Variants in BORCS5 observed in about 807,000 individuals in gnomAD.
BORCS5 encodes the protein BLOC-1 related complex subunit 5.
Under a neutral mutation model 22.1 loss-of-function variants are expected in BORCS5, and 17 were observed. The observed-to-expected ratio is 0.77, with a 90% CI of 0.53 to 1.15. BORCS5 has a LOEUF of 1.15. Among genes scored for constraint, BORCS5 ranks in the 50% most tolerant of loss-of-function variants. BORCS5 has a pLI of 0.00. For missense variants in BORCS5, 247 were observed against 253.2 expected (o/e 0.98, Z 0.17); for synonymous variants, 117 against 99.8 (o/e 1.17, Z -1.03).
chr12:12,394,792 G>A (rs902677351), intron 2 of BORCS5, among the ~76,000 whole-genome samples: 4 of 152,108 alleles, frequency 2.6e-5, no homozygotes, highest in African/African-American at 7.3e-5. Flanking sequence ...TGTGTGGAGT[G>A]CCTGTTTCCC....
intron 3 of BORCS5, among the ~76,000 whole-genome samples, chr12:12,457,182 C>G (rs1226977111): frequency 6.6e-6 from 1 of 152,182 alleles, no homozygotes; most frequent in Admixed American, 6.5e-5. Context: ...TTAATTCTCA[C>G]GTCAACCCTA....
chr12:12,415,345 G>C (rs1363267482), intron 2 of BORCS5, among the ~76,000 whole-genome samples: 1 of 150,864 alleles, frequency 6.6e-6, no homozygotes, highest in East Asian at 2.0e-4. Flanking sequence ...TTAGGAGCTG[G>C]AGACCAGCCC....
At position 12,433,282 on chromosome 12, in the gene BORCS5, C is replaced by T. The variant is rs114234950; in HGVS notation, c.203-2346C>T. Among the ~76,000 whole-genome samples, 421 of 144,662 alleles carry T rather than the reference C, an allele frequency of 2.9e-3. 2 individuals are homozygous for T. Among genetic ancestry groups the T allele is most frequent in the African/African-American group, 0.01 (400 of 38,778 alleles). The allele number at this position is 144,662 out of a possible 152,430, so 94.9% of individuals were successfully genotyped here. On this transcript the variant is annotated intron_variant, in intron 2 of 3. Transcript: ENST00000314565. ...TTTCAGTGAGCTGAGGAGATCATTC[C>T]ACTGTGCTCCAGCCTGGAAGACAGA... is the stretch of plus-strand genomic sequence containing the variant.
intron 2 of BORCS5, among the ~76,000 whole-genome samples, chr12:12,408,493 A>G (rs1336657579): frequency 1.3e-5 from 2 of 152,174 alleles, no homozygotes; most frequent in Non-Finnish European, 2.9e-5. Context: ...ACCACTGTCC[A>G]TTTCCTGAAT....
chr12:12,398,310 A>C (rs1435262814), intron 2 of BORCS5, among the ~76,000 whole-genome samples: 2 of 152,208 alleles, frequency 1.3e-5, no homozygotes, highest in East Asian at 3.8e-4. Flanking sequence ...CAAATAGTAC[A>C]ACATGACTGG....
intron 2 of BORCS5, among the ~76,000 whole-genome samples, chr12:12,392,889 G>A (rs988821334): frequency 6.6e-5 from 10 of 151,924 alleles, no homozygotes; most frequent in African/African-American, 1.2e-4. Flanking sequence ...ATTCTGAGTC[G>A]TCTCTTCTGC....
At chr12:12,414,641 G>C (rs1941868269) in intron 2 of BORCS5, among the ~76,000 whole-genome samples, 1 of 103,448 alleles carries the variant, frequency 9.7e-6, no homozygotes, top group Non-Finnish European at 2.0e-5. Context: ...CGGCCGGGCA[G>C]AGGAGCCCCT....
In BORCS5 at chr12:12,439,763, A is replaced by G. The variant is rs191312268; in HGVS notation, c.360+3978A>G. The stretch of plus-strand genomic sequence containing the variant: ...ATACCTCAGCAGCGTGCTCGGGCAG[A>G]GGAGGTGAGTGCAGTTTTGGGGCTT... On this transcript the variant is annotated intron_variant, in intron 3 of 3. Coordinates refer to ENST00000314565, the MANE Select transcript of BORCS5 (RefSeq NM_058169.6). Among the ~76,000 whole-genome samples, 247 of 152,328 alleles carry G rather than the reference A, an allele frequency of 1.6e-3. 1 individual carries two copies. Among genetic ancestry groups the G allele is most frequent in the African/African-American group, 5.5e-3 (229 of 41,584 alleles).
chr12:12,370,992 G>A (rs1336910170), intron 2 of BORCS5, among the ~76,000 whole-genome samples: 1 of 152,156 alleles, frequency 6.6e-6, no homozygotes, highest in South Asian at 2.1e-4. Context: ...CTTGTGATCC[G>A]CCCACCTCGG....
rs1223034413 is a variant in BORCS5 at position 12,465,752 on chromosome 12, G to A, written c.567G>A (p.Lys189=). 3.1e-6 allele frequency: 5 copies of A among 1,613,218 alleles called. No individual in the cohort carries two copies. The Middle Eastern group carries it at 4.9e-4, about 159-fold the overall frequency. The change falls in exon 4 of 4, where the codon AAG becomes AAA. Residue 189 remains lysine, a synonymous_variant. Transcript: ENST00000314565. The stretch of plus-strand genomic sequence containing the variant: ...AGCGGCTGGAGCCCTTCAGCATGAA[G>A]CCCGACCGCGAGCTCAGGCTGTAGC... The part of the protein sequence containing the change: ...EGERLEPFSM[K]PDRELRL
chr12:12,430,118 A>G (rs1451607306), intron 2 of BORCS5, among the ~76,000 whole-genome samples: 4 of 147,020 alleles, frequency 2.7e-5, no homozygotes, highest in African/African-American at 7.6e-5. Context: ...CCAGCTCACC[A>G]TTTGTTATAC....
intron 3 of BORCS5, among the ~76,000 whole-genome samples, chr12:12,456,371 C>T (rs1407910812): frequency 2.0e-5 from 3 of 152,188 alleles, no homozygotes; most frequent in African/African-American, 7.2e-5. Flanking sequence ...TTCAAGGCTC[C>T]CGTGAGCTAT....
chr12:12,392,921 TCAAATCTCC>T (rs1941233894), intron 2 of BORCS5, among the ~76,000 whole-genome samples: 1 of 151,912 alleles, frequency 6.6e-6, no homozygotes, highest in South Asian at 2.1e-4. Context: ...GTAATCTGCT[TCAAATCTCC>T]TTCATAAAAA....
chr12:12,445,931 C>T (rs140338290), intron 3 of BORCS5, among the ~76,000 whole-genome samples: 131 of 152,104 alleles, frequency 8.6e-4, no homozygotes, highest in Admixed American at 2.0e-3. Context: ...GCATGAGCCA[C>T]CATACCTAGC....
chr12:12,457,594 C>A (rs918911481), intron 3 of BORCS5, among the ~76,000 whole-genome samples: 2 of 152,052 alleles, frequency 1.3e-5, no homozygotes, highest in Non-Finnish European at 2.9e-5. Flanking sequence ...GCGTGAACCC[C>A]GGGGGGCAGA....
rs529821952 is a variant in BORCS5, at chr12:12,422,810, T to TA, written c.203-12811dup. Among the ~76,000 whole-genome samples, 453 of 152,084 alleles carry TA rather than the reference T, an allele frequency of 3.0e-3. 2 individuals carry two copies. The highest frequency in any genetic ancestry group is 0.01 in the African/African-American group (427 of 41,510). On this transcript the variant is annotated intron_variant, in intron 2 of 3. Transcript: ENST00000314565. ...TAATGCAGTAATCTCTCAAATTATG[T>TA]AAAAAAACAAAATATGGAGTTATAA...
rs368938077 is a variant in BORCS5, at chr12:12,433,154, T to C, written c.203-2474T>C. 4.0e-5 allele frequency among the ~76,000 whole-genome samples: 6 copies of C among 151,792 alleles called. No individual in the cohort carries two copies. In the East Asian group the frequency reaches 1.2e-3, roughly 29 times the overall value. Reference sequence around the variant, plus strand: ...TTTGAGATCAGCCTGGCCAACATGGTGAAACCCTGTCTCTACTAAAAAATG... The same window carrying C: ...TTTGAGATCAGCCTGGCCAACATGGCGAAACCCTGTCTCTACTAAAAAATG... On this transcript the variant is annotated intron_variant, in intron 2 of 3. Transcript: ENST00000314565.
intron 2 of BORCS5, among the ~76,000 whole-genome samples, chr12:12,413,772 A>G (rs1941814643): frequency 1.3e-5 from 1 of 78,082 alleles, no homozygotes; most frequent in Non-Finnish European, 2.6e-5. Context: ...CTCACTTCCC[A>G]GTAGGGGCGG....
chr12:12,466,870 T>C lies in BORCS5; in HGVS notation c.*1094T>C, dbSNP rs566856669. 1.3e-5 allele frequency: 2 copies of C among 152,316 alleles called. No individual in the cohort carries two copies. The highest frequency in any genetic ancestry group is 4.1e-4 in the South Asian group (2 of 4,824). 9.4% of individuals were successfully genotyped at this position (152,316 alleles called of 1,614,324 possible). On this transcript the variant is annotated 3_prime_UTR_variant, in exon 4 of 4. Transcript: ENST00000314565. ...TTCAGATACCAGAAAGAGCCTTCAG[T>C]AGATTCACAAGATTAAAATTGATGC...
Sources: gnomAD v4.1 joint callset for allele counts (sites outside exome capture counted in the v4.1 genomes callset) on GRCh38, gnomAD v4.1.1 for gene constraint, MANE v1.5 for transcripts, NCBI Gene and HGNC (gene_info 2026-07-23, HGNC 2026-07-21) for gene names.